The following PRKG1 variants were observed in gnomAD, a reference collection of about 807,000 sequenced individuals.
PRKG1 encodes the protein cGMP-dependent protein kinase 1.
Under a neutral mutation model 88.1 loss-of-function variants are expected in PRKG1, and 35 were observed. The ratio of observed to expected loss-of-function variants is 0.40; its 90% CI spans 0.30 to 0.53. The LOEUF is 0.53. Among genes scored for constraint, PRKG1 ranks in the 20% least tolerant of loss-of-function variants. PRKG1 has a pLI of 0.59. For synonymous variants in PRKG1, 303 were observed against 292.5 expected (o/e 1.04, Z -0.37); for missense variants, 540 against 839.8 (o/e 0.64, Z 4.41).
At chr10:51,643,030 G>A (rs562388849) in intron 3 of PRKG1, among the ~76,000 whole-genome samples, 1 of 152,124 alleles carries the variant, frequency 6.6e-6, no homozygotes. Context: ...ATTCTGACAA[G>A]AAAGCCCCGG....
intron 1 of PRKG1, among the ~76,000 whole-genome samples, chr10:50,996,510 G>A (rs1325705450): frequency 6.6e-6 from 1 of 152,190 alleles, no homozygotes; most frequent in African/African-American, 2.4e-5. Context: ...GTGAATCTTT[G>A]TATCTAGCAC....
intron 2 of PRKG1, among the ~76,000 whole-genome samples, chr10:51,235,981 A>C (rs1487557064): frequency 5.3e-5 from 8 of 152,166 alleles, no homozygotes; most frequent in Admixed American, 4.6e-4. Context: ...GCTTGTTAAA[A>C]CAGATTGCTG....
intron 4 of PRKG1, among the ~76,000 whole-genome samples, chr10:51,811,803 C>G (rs1839463511): frequency 6.6e-6 from 1 of 152,140 alleles, no homozygotes; most frequent in Non-Finnish European, 1.5e-5. Context: ...AGTAACTGCA[C>G]AGAGATGCCC....
At chr10:51,706,923 T>C (rs998131423) in intron 3 of PRKG1, among the ~76,000 whole-genome samples, 1 of 152,194 alleles carries the variant, frequency 6.6e-6, no homozygotes, top group Non-Finnish European at 1.5e-5. Flanking sequence ...TATCTAGTAA[T>C]AGTAGATGAA....
rs975809701 is a variant in PRKG1, at chr10:51,645,961, A to G, written c.593-158624A>G. Reference sequence around the variant, plus strand: ...TTTTTCATTAAACTTGACTTGTATAATATGCATAACATCAAGTATTAAGCC... The same window carrying G: ...TTTTTCATTAAACTTGACTTGTATAGTATGCATAACATCAAGTATTAAGCC... On this transcript the variant is annotated intron_variant, in intron 3 of 17. Coordinates refer to ENST00000373980, the MANE Select transcript of PRKG1 (RefSeq NM_006258.4). Among the ~76,000 whole-genome samples the G allele has an allele frequency of 4.6e-5, 7 of 152,310 alleles. No homozygotes were observed. The East Asian group carries it at 1.3e-3, about 29-fold the overall frequency.
At chr10:51,987,216 G>C (rs1193446702) in intron 5 of PRKG1, among the ~76,000 whole-genome samples, 1 of 151,968 alleles carries the variant, frequency 6.6e-6, no homozygotes, top group Non-Finnish European at 1.5e-5. Context: ...ATGATGTCCA[G>C]CAAAGGAAAG....
intron 7 of PRKG1, among the ~76,000 whole-genome samples, chr10:52,103,999 T>C (rs959916079): frequency 2.9e-5 from 4 of 139,278 alleles, no homozygotes; most frequent in African/African-American, 1.0e-4. Context: ...TGTGTGTGTG[T>C]GTATATATAA....
At chr10:51,671,752 A>AATTTTTTGT (rs1473041362) in intron 3 of PRKG1, among the ~76,000 whole-genome samples, 1 of 151,956 alleles carries the variant, frequency 6.6e-6, no homozygotes, top group Non-Finnish European at 1.5e-5. Flanking sequence ...ATGCCCAGCT[A>AATTTTTTGT]ATTTTTTGTA....
At chr10:51,863,624 G>A (rs781698950) in intron 4 of PRKG1, among the ~76,000 whole-genome samples, 7 of 152,098 alleles carry the variant, frequency 4.6e-5, no homozygotes, top group Non-Finnish European at 1.0e-4. Flanking sequence ...AGAATGTGAG[G>A]CTATAAATTC....
At chr10:51,145,223 T>C (rs537188094) in intron 1 of PRKG1, among the ~76,000 whole-genome samples, 1 of 152,298 alleles carries the variant, frequency 6.6e-6, no homozygotes, top group East Asian at 1.9e-4. Context: ...TTGTTTATAG[T>C]GTATTCATGC....
At chr10:51,369,804 C>T (rs1842663718) in intron 2 of PRKG1, among the ~76,000 whole-genome samples, 2 of 152,216 alleles carry the variant, frequency 1.3e-5, no homozygotes, top group South Asian at 4.1e-4. Flanking sequence ...GTCCCCTATG[C>T]ACCTTATGCT....
intron 3 of PRKG1, among the ~76,000 whole-genome samples, chr10:51,564,056 G>A (rs373026645): frequency 6.6e-6 from 1 of 152,012 alleles, no homozygotes; most frequent in African/African-American, 2.4e-5. Context: ...AGAATCAGGG[G>A]CATCATTTTT....
At chr10:51,887,225 T>C (rs988132109) in intron 4 of PRKG1, among the ~76,000 whole-genome samples, 2 of 152,146 alleles carry the variant, frequency 1.3e-5, no homozygotes, top group South Asian at 4.1e-4. Context: ...CCTCAAGTGA[T>C]CTCCCTGTCT....
intron 3 of PRKG1, among the ~76,000 whole-genome samples, chr10:51,536,820 T>G (rs1480415291): frequency 2.6e-5 from 3 of 115,640 alleles, no homozygotes; most frequent in Non-Finnish European, 5.0e-5. Context: ...CCTGCAACAG[T>G]CCCCAGAATG....
intron 3 of PRKG1, among the ~76,000 whole-genome samples, chr10:51,524,066 A>T: frequency 6.6e-6 from 1 of 151,784 alleles, no homozygotes; most frequent in East Asian, 1.9e-4. Flanking sequence ...AGTTTGTGGC[A>T]CCTCTCCCCT....
intron 7 of PRKG1, among the ~76,000 whole-genome samples, chr10:52,089,719 C>CTGT (rs1292419267): frequency 6.6e-6 from 1 of 150,576 alleles, no homozygotes; most frequent in African/African-American, 2.4e-5. Flanking sequence ...TTTTCTAGTT[C>CTGT]TGTTCACTTA....
intron 3 of PRKG1, among the ~76,000 whole-genome samples, chr10:51,581,204 A>G (rs775981015): frequency 2.6e-5 from 4 of 152,162 alleles, no homozygotes; most frequent in African/African-American, 9.6e-5. Context: ...CAGAGATAAG[A>G]ATTTACAATA....
At chr10:52,161,399 T>G (rs903126156) in intron 8 of PRKG1, among the ~76,000 whole-genome samples, 3 of 152,126 alleles carry the variant, frequency 2.0e-5, no homozygotes, top group African/African-American at 7.2e-5. Context: ...AACCTTAGTT[T>G]ACTATTTTGT....
chr10:51,859,241 A>G (rs1564679551), intron 4 of PRKG1, among the ~76,000 whole-genome samples: 2 of 152,226 alleles, frequency 1.3e-5, no homozygotes, highest in African/African-American at 2.4e-5. Flanking sequence ...GATTCTGCAT[A>G]GAATTATAGA....
Sources: allele counts gnomAD v4.1 joint callset (sites outside exome capture counted in the v4.1 genomes callset), GRCh38; gene constraint gnomAD v4.1.1; transcripts MANE v1.5; gene names NCBI Gene and HGNC (gene_info 2026-07-23, HGNC 2026-07-21).